Variants in GPC5 observed in about 807,000 individuals in gnomAD.
The protein encoded by GPC5 is glypican 5.
In GPC5, 47 loss-of-function variants were observed where a neutral mutation model predicts 53.9. The ratio of observed to expected loss-of-function variants is 0.87; its 90% CI spans 0.69 to 1.11. The LOEUF (loss-of-function observed/expected upper bound fraction) is 1.11. Among genes scored for constraint, GPC5 ranks in the 50% most tolerant of loss-of-function variants. GPC5 has a pLI of 0.00. For missense variants in GPC5, 748 were observed against 713.1 expected, an observed-to-expected ratio of 1.05 and a Z score of -0.56; for synonymous variants, 286 against 263.3, an observed-to-expected ratio of 1.09 and a Z score of -0.84.
chr13:91,516,392 C>T (rs1885501036), intron 2 of GPC5, among the ~76,000 whole-genome samples: 1 of 152,184 alleles, frequency 6.6e-6, no homozygotes, highest in Non-Finnish European at 1.5e-5. Context: ...AGTCCAAAAT[C>T]CTGTGGGGCA....
At chr13:92,715,694 G>A (rs1377858632) in intron 7 of GPC5, among the ~76,000 whole-genome samples, 1 of 152,038 alleles carries the variant, frequency 6.6e-6, no homozygotes, top group Admixed American at 6.6e-5. Context: ...ACTATACCAA[G>A]GATTAACCAC....
intron 6 of GPC5, among the ~76,000 whole-genome samples, chr13:92,138,645 T>G (rs937841649): frequency 2.0e-5 from 3 of 152,326 alleles, no homozygotes; most frequent in Non-Finnish European, 2.9e-5. Context: ...GGAAACCCTT[T>G]GTTGTTATTA....
rs115784043 is a variant in GPC5 at position 92,537,301 on chromosome 13, G to T, written c.1562-328981G>T. On this transcript the variant is annotated intron_variant, in intron 7 of 7. Coordinates refer to ENST00000377067, the MANE Select transcript of GPC5 (RefSeq NM_004466.6). ...AAATAATTGAAATTGTGACTGAAAG[G>T]TTCCTAAGAACAACTTTTTATCTGT... 8.5e-3 allele frequency among the ~76,000 whole-genome samples: 1,286 copies of T among 152,146 alleles called. 21 individuals carry two copies. Among genetic ancestry groups the T allele is most frequent in the African/African-American group, 0.029 (1,190 of 41,522 alleles).
chr13:92,449,844 C>T (rs1232327149), intron 7 of GPC5, among the ~76,000 whole-genome samples: 1 of 151,912 alleles, frequency 6.6e-6, no homozygotes, highest in South Asian at 2.1e-4. Flanking sequence ...ACTGTTATTA[C>T]CAGAATACTA....
intron 7 of GPC5, among the ~76,000 whole-genome samples, chr13:92,768,968 T>C (rs1875513657): frequency 6.6e-6 from 1 of 152,202 alleles, no homozygotes; most frequent in African/African-American, 2.4e-5. Context: ...CCGTGCTGAC[T>C]TAAATTAGTT....
intron 4 of GPC5, among the ~76,000 whole-genome samples, chr13:91,740,303 A>T (rs1039139231): frequency 6.6e-5 from 10 of 152,136 alleles, no homozygotes; most frequent in African/African-American, 2.4e-4. Context: ...ATCTCTTAAT[A>T]TTCCCAAGTT....
chr13:91,399,357 T>C, intron 1 of GPC5, 148 bp downstream of exon 1: 1 of 983,746 alleles, frequency 1.0e-6, no homozygotes, highest in Non-Finnish European at 1.5e-6. Context: ...CCGGGGATGC[T>C]TGGTGCGGGT....
intron 7 of GPC5, among the ~76,000 whole-genome samples, chr13:92,583,135 C>A (rs866870002): frequency 4.6e-5 from 7 of 152,054 alleles, no homozygotes; most frequent in Non-Finnish European, 1.0e-4. Flanking sequence ...TCATATATGA[C>A]CTTTATTGTG....
intron 6 of GPC5, among the ~76,000 whole-genome samples, chr13:92,100,926 C>T (rs2041461453): frequency 6.6e-6 from 1 of 152,162 alleles, no homozygotes; most frequent in Non-Finnish European, 1.5e-5. Flanking sequence ...TGTATCATAT[C>T]TAGCTATCAA....
chr13:91,723,469 T>A (rs2036515373), intron 3 of GPC5, among the ~76,000 whole-genome samples: 2 of 49,396 alleles, frequency 4.0e-5, no homozygotes, highest in Admixed American at 5.1e-4. Flanking sequence ...AGAATTAATC[T>A]CTCCCTCCAA....
intron 7 of GPC5, among the ~76,000 whole-genome samples, chr13:92,732,621 A>T (rs1888838198): frequency 6.6e-6 from 1 of 151,718 alleles, no homozygotes; most frequent in Non-Finnish European, 1.5e-5. Context: ...ACAAACAAGA[A>T]GATTGTGTAA....
chr13:91,458,064 C>T (rs770852648), intron 2 of GPC5, among the ~76,000 whole-genome samples: 6 of 152,032 alleles, frequency 3.9e-5, no homozygotes, highest in Non-Finnish European at 8.8e-5. Flanking sequence ...TACTAGAGGG[C>T]TGCAATTTTA....
intron 5 of GPC5, among the ~76,000 whole-genome samples, chr13:91,772,723 G>C (rs2037646598): frequency 6.6e-6 from 1 of 152,122 alleles, no homozygotes; most frequent in Non-Finnish European, 1.5e-5. Context: ...TATGCTTACT[G>C]ATTTCCCAAG....
At chr13:92,491,036 A>G (rs773504949) in intron 7 of GPC5, among the ~76,000 whole-genome samples, 23 of 152,138 alleles carry the variant, frequency 1.5e-4, no homozygotes, top group African/African-American at 4.6e-4. Context: ...TCTCGTTACT[A>G]TATGGAACCA....
intron 7 of GPC5, among the ~76,000 whole-genome samples, chr13:92,850,705 G>A (rs1053345138): frequency 1.4e-4 from 22 of 152,178 alleles, no homozygotes; most frequent in African/African-American, 7.2e-5. Flanking sequence ...AAGCTGTAAC[G>A]AGGAGTTATC....
At chr13:91,719,695 A>G (rs1412730506) in intron 3 of GPC5, among the ~76,000 whole-genome samples, 2 of 152,254 alleles carry the variant, frequency 1.3e-5, no homozygotes, top group Non-Finnish European at 2.9e-5. Context: ...GGAAAAAGAC[A>G]GCTAATATAA....
chr13:91,876,243 G>A (rs1483185663), intron 5 of GPC5, among the ~76,000 whole-genome samples: 1 of 152,150 alleles, frequency 6.6e-6, no homozygotes, highest in African/African-American at 2.4e-5. Context: ...CCAATAGAGT[G>A]GGGCATTGCT....
chr13:91,570,144 A>C (rs1225262753), intron 2 of GPC5, among the ~76,000 whole-genome samples: 1 of 152,196 alleles, frequency 6.6e-6, no homozygotes, highest in African/African-American at 2.4e-5. Flanking sequence ...CGCCATAAAC[A>C]AACTTTTAAA....
At chr13:92,168,755 AT>A (rs1325638291) in intron 7 of GPC5, among the ~76,000 whole-genome samples, 1 of 152,212 alleles carries the variant, frequency 6.6e-6, no homozygotes, top group Non-Finnish European at 1.5e-5. Flanking sequence ...TAGTTCAACC[AT>A]TGTGGAAGAC....
Sources: gnomAD v4.1 joint callset for allele counts (sites outside exome capture counted in the v4.1 genomes callset) on GRCh38, gnomAD v4.1.1 for gene constraint, MANE v1.5 for transcripts, NCBI Gene and HGNC (gene_info 2026-07-23, HGNC 2026-07-21) for gene names.